The following PRPSAP2 variants were observed in gnomAD, a reference collection of about 807,000 sequenced individuals.
PRPSAP2 encodes the protein phosphoribosyl pyrophosphate synthase-associated protein 2.
PRPSAP2 carries 24 observed loss-of-function variants against 40.6 expected under a neutral mutation model. The ratio of observed to expected loss-of-function variants is 0.59; its 90% CI spans 0.43 to 0.83. The LOEUF is 0.83. Among genes scored for constraint, PRPSAP2 ranks in the 40% least tolerant of loss-of-function variants. The probability of loss-of-function intolerance (pLI) is 0.00; values close to 1 mark genes in which losing one functional copy is unlikely to be tolerated. For synonymous variants in PRPSAP2, 149 were observed against 164.7 expected, an observed-to-expected ratio of 0.90 and a Z score of 0.73; for missense variants, 292 against 465.6, an observed-to-expected ratio of 0.63 and a Z score of 3.43.
intron 8 of PRPSAP2, chr17:18,908,168 A>C: frequency 1.6e-6 from 1 of 606,216 alleles, no homozygotes; most frequent in Non-Finnish European, 3.0e-6. Flanking sequence ...CAACAACAAA[A>C]AAAAGCCAGA....
At chr17:18,899,421 A>T (rs2040121064) in intron 8 of PRPSAP2, among the ~76,000 whole-genome samples, 1 of 149,770 alleles carries the variant, frequency 6.7e-6, no homozygotes, top group Admixed American at 6.7e-5. Context: ...AAATTGGCTA[A>T]TTTCTGTTGT....
intron 7 of PRPSAP2, among the ~76,000 whole-genome samples, chr17:18,885,039 T>A (rs1327738271): frequency 6.6e-6 from 1 of 152,132 alleles, no homozygotes; most frequent in Non-Finnish European, 1.5e-5. Context: ...TTGCCTGTAG[T>A]GCAGGCTTCT....
chr17:18,862,252 G>C (rs2037080033), intron 1 of PRPSAP2, among the ~76,000 whole-genome samples: 1 of 152,140 alleles, frequency 6.6e-6, no homozygotes, highest in South Asian at 2.1e-4. Flanking sequence ...TCAGACCCTG[G>C]GGCTGTTCAA....
chr17:18,928,872 G>A lies in PRPSAP2; in HGVS notation c.866G>A (p.Gly289Asp), dbSNP rs1267616428. Residue 289 changes from glycine to aspartate, a missense_variant, in exon 11 of 12, where the codon GGT becomes GAT. Coordinates refer to ENST00000268835, the MANE Select transcript of PRPSAP2 (RefSeq NM_002767.4). ...GCAGCAGAGACCCTGAAGGAAAGAG[G>A]TGCATATAAGATCTTTGTGATGGCA... ...LAAAETLKER[G>D]AYKIFVMATH... The A allele has an allele frequency of 6.2e-7, 1 of 1,614,122 alleles. No individual in the cohort carries two copies.
At chr17:18,886,544 G>A (rs568465820) in intron 7 of PRPSAP2, among the ~76,000 whole-genome samples, 1 of 152,118 alleles carries the variant, frequency 6.6e-6, no homozygotes, top group African/African-American at 2.4e-5. Context: ...AGTTTTAGTA[G>A]AGATGGGGTT....
At chr17:18,929,685 A>G (rs963385665) in intron 11 of PRPSAP2, 5 of 152,206 alleles carry the variant, frequency 3.3e-5, no homozygotes, top group Admixed American at 1.3e-4. Flanking sequence ...GCATGAATCA[A>G]TACTTCATTT....
intron 3 of PRPSAP2, among the ~76,000 whole-genome samples, chr17:18,866,314 C>G (rs1194286016): frequency 1.3e-5 from 2 of 152,056 alleles, no homozygotes; most frequent in African/African-American, 4.8e-5. Flanking sequence ...CCTGTAATCC[C>G]AGCACTTTGG....
chr17:18,911,332 A>G lies in PRPSAP2; in HGVS notation c.733+81A>G. 1 of 1,288,214 alleles carries G rather than the reference A, an allele frequency of 7.8e-7. No individual in the cohort carries two copies. The highest frequency in any genetic ancestry group is 9.9e-7 in the Non-Finnish European group (1 of 1,009,768). 79.8% of individuals were successfully genotyped at this position (1,288,214 alleles called of 1,614,324 possible). A position where few individuals can be genotyped will look rare whatever the true frequency, so the allele number is the denominator to read the frequency against. On this transcript the variant is annotated intron_variant, in intron 9 of 11. Transcript: ENST00000268835. The surrounding 1 kb of genome is among the most constrained non-coding windows in gnomAD (Gnocchi z 4.5). ...TGTTGTCTGTGTGGTTTTTTTCCTCATTCTTCGTTTTTTTTTAGTTGGCAA... is the reference window on the plus strand; with the variant it reads ...TGTTGTCTGTGTGGTTTTTTTCCTCGTTCTTCGTTTTTTTTTAGTTGGCAA...
intron 8 of PRPSAP2, among the ~76,000 whole-genome samples, chr17:18,908,078 G>A (rs1159724505): frequency 6.6e-6 from 1 of 152,190 alleles, no homozygotes; most frequent in Non-Finnish European, 1.5e-5. Context: ...GGAGGCTGCA[G>A]TGAGCCGAGA....
At chr17:18,917,572 ATTATTATTATTAT>A (rs2041404232) in intron 9 of PRPSAP2, 1 of 29,376 alleles carries the variant, frequency 3.4e-5, no homozygotes, top group Admixed American at 4.4e-4. Context: ...TATTATTATT[ATTATTATTATTAT>A]TTTTTTTTTT....
chr17:18,881,063 A>C (rs1468360206), intron 6 of PRPSAP2, among the ~76,000 whole-genome samples: 1 of 148,870 alleles, frequency 6.7e-6, no homozygotes, highest in East Asian at 2.0e-4. Flanking sequence ...TGAACTCCTG[A>C]CCTCAGGTGA....
At chr17:18,925,421 TTCTTG>T (rs1420746676) in intron 10 of PRPSAP2, among the ~76,000 whole-genome samples, 1 of 152,226 alleles carries the variant, frequency 6.6e-6, no homozygotes, top group African/African-American at 2.4e-5. Flanking sequence ...CTGCCTTTTT[TTCTTG>T]TCTTTGATGT....
chr17:18,889,446 G>T (rs1289077738), intron 7 of PRPSAP2, among the ~76,000 whole-genome samples: 6 of 152,214 alleles, frequency 3.9e-5, no homozygotes, highest in Admixed American at 3.9e-4. Flanking sequence ...TGTTTGGACT[G>T]CAGTAATTTG....
intron 9 of PRPSAP2, among the ~76,000 whole-genome samples, chr17:18,916,169 A>G (rs1567741881): frequency 1.3e-5 from 2 of 152,066 alleles, no homozygotes; most frequent in African/African-American, 2.4e-5. Flanking sequence ...AAACCAAAGC[A>G]GAACTCTCAC....
intron 1 of PRPSAP2, among the ~76,000 whole-genome samples, chr17:18,863,831 CTTTTTT>C (rs34770102): frequency 3.5e-5 from 3 of 86,052 alleles, no homozygotes; most frequent in Admixed American, 1.5e-4. Context: ...ACTGCGTGGC[CTTTTTT>C]TTTTTTTTTT....
intron 8 of PRPSAP2, chr17:18,908,862 A>G (rs765432776): frequency 6.5e-6 from 4 of 616,060 alleles, no homozygotes; most frequent in East Asian, 3.2e-5. Context: ...AGGAGAAGCA[A>G]TAAATCATCT....
rs376046012 is a variant in PRPSAP2 at position 18,897,704 on chromosome 17, C to A, written c.584+7827C>A. On this transcript the variant is annotated intron_variant, in intron 8 of 11. Coordinates refer to ENST00000268835, the MANE Select transcript of PRPSAP2 (RefSeq NM_002767.4). ...TCTGGAATTCCTGACCTCAGGTAAT[C>A]TGCCTGCCTTGGCCTCCCAAAATGC... is the stretch of plus-strand genomic sequence containing the variant. 1.4e-4 allele frequency among the ~76,000 whole-genome samples: 21 copies of A among 152,296 alleles called. 1 individual carries two copies. In the South Asian group the frequency reaches 4.4e-3, roughly 32 times the overall value.
chr17:18,863,264 A>AT (rs1597504308), intron 1 of PRPSAP2, among the ~76,000 whole-genome samples: 1 of 150,756 alleles, frequency 6.6e-6, no homozygotes, highest in South Asian at 2.1e-4. Context: ...TCATTTTTTG[A>AT]TTTTTTTGTA....
At chr17:18,884,406 A>G (rs1356956951) in intron 7 of PRPSAP2, among the ~76,000 whole-genome samples, 1 of 152,010 alleles carries the variant, frequency 6.6e-6, no homozygotes, top group Non-Finnish European at 1.5e-5. Flanking sequence ...TAGTGCCATG[A>G]TAGCTCACTG....
Sources: allele counts gnomAD v4.1 joint callset (sites outside exome capture counted in the v4.1 genomes callset), GRCh38; gene constraint gnomAD v4.1.1; non-coding constraint Gnocchi (gnomAD v3.1); transcripts MANE v1.5; gene names NCBI Gene and HGNC (gene_info 2026-07-23, HGNC 2026-07-21).